Variants in PTPRT observed in about 807,000 individuals in gnomAD.
PTPRT encodes the protein receptor-type tyrosine-protein phosphatase T.
In PTPRT, 56 loss-of-function variants were observed where a neutral mutation model predicts 176.8. The ratio of observed to expected loss-of-function variants is 0.32; its 90% confidence interval spans 0.26 to 0.40. The LOEUF (loss-of-function observed/expected upper bound fraction) is 0.40, where lower values mean the gene tolerates loss of function less well. Ranked by LOEUF, PTPRT falls within the 10% of genes least tolerant of loss-of-function variation. The pLI is 1.00. For synonymous variants in PTPRT, 783 were observed against 739.0 expected (o/e 1.06, Z -0.96); for missense variants, 1,540 against 1,908.2 (o/e 0.81, Z 3.60).
At chr20:43,048,498 C>A (rs920665434) in intron 1 of PTPRT, among the ~76,000 whole-genome samples, 1 of 151,866 alleles carries the variant, frequency 6.6e-6, no homozygotes, top group African/African-American at 2.4e-5. Flanking sequence ...GTTCAGGGGG[C>A]CCACCTAGAA....
intron 11 of PTPRT, among the ~76,000 whole-genome samples, chr20:42,327,132 A>G (rs2057895485): frequency 6.6e-6 from 1 of 151,642 alleles, no homozygotes; most frequent in South Asian, 2.1e-4. Flanking sequence ...AGAGAGAAAC[A>G]TATAATTTTA....
At chr20:42,197,737 G>T (rs1249942351) in intron 16 of PTPRT, among the ~76,000 whole-genome samples, 1 of 151,826 alleles carries the variant, frequency 6.6e-6, no homozygotes, top group Non-Finnish European at 1.5e-5. Flanking sequence ...AAAAAAACAT[G>T]GATAAGGGGA....
intron 1 of PTPRT, among the ~76,000 whole-genome samples, chr20:42,897,148 T>G (rs2079316176): frequency 6.6e-6 from 1 of 152,194 alleles, no homozygotes; most frequent in African/African-American, 2.4e-5. Flanking sequence ...AGTCATCCAA[T>G]GTCATACATT....
At chr20:42,637,042 C>G (rs949423797) in intron 7 of PTPRT, among the ~76,000 whole-genome samples, 1 of 152,036 alleles carries the variant, frequency 6.6e-6, no homozygotes, top group Non-Finnish European at 1.5e-5. Flanking sequence ...CAGCCATAGT[C>G]GAGGTCTCCA....
intron 6 of PTPRT, among the ~76,000 whole-genome samples, chr20:42,696,457 T>G (rs112894676): frequency 0.012 from 736 of 63,224 alleles, 7 homozygotes; most frequent in African/African-American, 0.075. Context: ...CCACATGAAT[T>G]ATTTTTTTTT....
chr20:42,771,403 C>T (rs373476978), intron 5 of PTPRT, 32 bp downstream of exon 5: 77 of 1,556,460 alleles, frequency 4.9e-5, no homozygotes, highest in East Asian at 3.4e-4. Flanking sequence ...CTCATCCTAA[C>T]GAGTCTGAGC....
At chr20:42,878,107 A>G (rs1023251921) in intron 2 of PTPRT, among the ~76,000 whole-genome samples, 5 of 152,240 alleles carry the variant, frequency 3.3e-5, no homozygotes, top group African/African-American at 1.2e-4. Flanking sequence ...AACAAATTCG[A>G]TAACTTCTAT....
intron 1 of PTPRT, among the ~76,000 whole-genome samples, chr20:43,099,794 G>A (rs2012316724): frequency 6.6e-6 from 1 of 152,148 alleles, no homozygotes; most frequent in Non-Finnish European, 1.5e-5. Context: ...AACAGCCACA[G>A]GAGAAGCCAC....
chr20:42,681,199 A>T (rs1187883882), intron 6 of PTPRT, among the ~76,000 whole-genome samples: 1 of 152,198 alleles, frequency 6.6e-6, no homozygotes, highest in African/African-American at 2.4e-5. Flanking sequence ...TCTATCTCTA[A>T]GATGAACTCT....
intron 7 of PTPRT, among the ~76,000 whole-genome samples, chr20:42,620,332 T>G (rs2074167672): frequency 6.7e-6 from 1 of 149,122 alleles, no homozygotes; most frequent in Non-Finnish European, 1.5e-5. Context: ...GGAGAACCAC[T>G]GCTCTCTTCA....
At chr20:43,064,525 G>T (rs138415817) in intron 1 of PTPRT, among the ~76,000 whole-genome samples, 1 of 152,112 alleles carries the variant, frequency 6.6e-6, no homozygotes, top group Non-Finnish European at 1.5e-5. Flanking sequence ...ACAAAAGAAC[G>T]TTAACACCTA....
intron 9 of PTPRT, among the ~76,000 whole-genome samples, chr20:42,385,055 T>G (rs1036479318): frequency 6.6e-6 from 1 of 152,218 alleles, no homozygotes; most frequent in African/African-American, 2.4e-5. Flanking sequence ...TTATGCTGCT[T>G]GTTGCCTTTG....
Position 42,172,613 on chromosome 20 carries a change from C to T in PTPRT, c.2492-11071G>A, listed in dbSNP as rs74823654. Among the ~76,000 whole-genome samples, 910 of 152,332 alleles carry T rather than the reference C, an allele frequency of 6.0e-3. 2 individuals are homozygous for T. The highest frequency in any genetic ancestry group is 0.01 in the Non-Finnish European group (684 of 68,032). ...ATAAACGGGTCTTAAATACCCTTCA[C>T]CCAGTTTTCCCCAATGTTAACACTT... is the stretch of plus-strand genomic sequence containing the variant. On this transcript the variant is annotated intron_variant, in intron 16 of 30. Transcript: ENST00000373187.
intron 1 of PTPRT, among the ~76,000 whole-genome samples, chr20:43,104,198 C>T (rs995408858): frequency 6.6e-6 from 1 of 152,088 alleles, no homozygotes; most frequent in African/African-American, 2.4e-5. Context: ...TTGCCCTGTC[C>T]CTTCATCACC....
chr20:42,993,892 C>A (rs1268498774), intron 1 of PTPRT, among the ~76,000 whole-genome samples: 1 of 152,002 alleles, frequency 6.6e-6, no homozygotes, highest in Non-Finnish European at 1.5e-5. Context: ...GCGAGTAAGC[C>A]CTGTTGAGAT....
chr20:42,116,147 G>A (rs754989172), intron 21 of PTPRT: 14 of 713,888 alleles, frequency 2.0e-5, no homozygotes, highest in Non-Finnish European at 3.6e-5. Context: ...AACAAAAAAA[G>A]GTTTTGTGGT....
At chr20:43,027,247 G>T in intron 1 of PTPRT, among the ~76,000 whole-genome samples, 1 of 152,118 alleles carries the variant, frequency 6.6e-6, no homozygotes, top group African/African-American at 2.4e-5. Context: ...GGAGGCAGAG[G>T]TGGGCAGATC....
chr20:43,063,692 T>C (rs1010896576), intron 1 of PTPRT: 6 of 152,192 alleles, frequency 3.9e-5, no homozygotes, highest in African/African-American at 1.4e-4. Flanking sequence ...GGCTTCATAG[T>C]GAGTGCTGGA....
chr20:43,107,972 G>A (rs1041164319), intron 1 of PTPRT, among the ~76,000 whole-genome samples: 18 of 152,110 alleles, frequency 1.2e-4, no homozygotes, highest in South Asian at 1.0e-3. Context: ...ACTGCAGGCA[G>A]GGAAAGCTGA....
Sources: allele counts gnomAD v4.1 joint callset (sites outside exome capture counted in the v4.1 genomes callset), GRCh38; gene constraint gnomAD v4.1.1; transcripts MANE v1.5; gene names NCBI Gene and HGNC (gene_info 2026-07-23, HGNC 2026-07-21).